CIMIP5: variants seen among roughly 807,000 people sequenced by gnomAD.
CIMIP5 encodes uncharacterized protein C2orf50.
chr2:11,133,826 CTCGT>C, the CIMIP5 span, among the ~76,000 whole-genome samples: 1 of 152,146 alleles, frequency 6.6e-6, no homozygotes, highest in South Asian at 2.1e-4. Flanking sequence ...GCAGCCCCAC[CTCGT>C]TCATTCCGAC....
At chr2:11,146,197 C>T in the CIMIP5 span, among the ~76,000 whole-genome samples, 1 of 152,132 alleles carries the variant, frequency 6.6e-6, no homozygotes, top group African/African-American at 2.4e-5. Context: ...CATGCATTAA[C>T]TCATTTAATC....
At chr2:11,133,432 G>T in the CIMIP5 span, 1 of 1,610,498 alleles carries the variant, frequency 6.2e-7, no homozygotes, top group East Asian at 2.2e-5. Flanking sequence ...CCAGCTGCCC[G>T]GGGTGGCCCT....
chr2:11,151,442 A>G, the CIMIP5 span, among the ~76,000 whole-genome samples: 2 of 152,184 alleles, frequency 1.3e-5, no homozygotes, highest in Non-Finnish European at 2.9e-5. Flanking sequence ...GCTCAATTCC[A>G]TGTTCCCACG....
the CIMIP5 span, among the ~76,000 whole-genome samples, chr2:11,154,252 T>A: frequency 2.6e-5 from 4 of 152,288 alleles, no homozygotes; most frequent in African/African-American, 7.2e-5. Context: ...ACGATCAGTA[T>A]CGATCTAGCC....
chr2:11,139,428 G>C, the CIMIP5 span, among the ~76,000 whole-genome samples: 1 of 152,168 alleles, frequency 6.6e-6, no homozygotes, highest in African/African-American at 2.4e-5. Flanking sequence ...ATGTTTTGTA[G>C]AATTGTTTGA....
the CIMIP5 span, among the ~76,000 whole-genome samples, chr2:11,139,174 T>C: frequency 3.9e-5 from 6 of 152,172 alleles, no homozygotes; most frequent in African/African-American, 1.4e-4. Context: ...CACCTTAGCT[T>C]CCCAAAGTGC....
At chr2:11,144,389 G>A in the CIMIP5 span, 1 of 250,100 alleles carries the variant, frequency 4.0e-6, no homozygotes, top group East Asian at 7.3e-5. Flanking sequence ...CTGCATTGTG[G>A]TCAGGAGCAC....
At chr2:11,137,436 A>G in the CIMIP5 span, among the ~76,000 whole-genome samples, 3 of 152,332 alleles carry the variant, frequency 2.0e-5, no homozygotes, top group African/African-American at 7.2e-5. Context: ...GAAATATAAG[A>G]CATAACTGAA....
the CIMIP5 span, chr2:11,143,993 A>G: frequency 6.2e-7 from 1 of 1,606,970 alleles, no homozygotes; most frequent in African/African-American, 1.3e-5. Flanking sequence ...AGTTCCACGA[A>G]CCAGGTTGTG....
At chr2:11,144,286 C>T in the CIMIP5 span, 1 of 458,632 alleles carries the variant, frequency 2.2e-6, no homozygotes, top group Non-Finnish European at 3.8e-6. Flanking sequence ...ACTTTTTACA[C>T]GTAAGATTCA....
the CIMIP5 span, among the ~76,000 whole-genome samples, chr2:11,136,768 A>G: frequency 6.6e-6 from 1 of 152,238 alleles, no homozygotes; most frequent in Non-Finnish European, 1.5e-5. Context: ...TGTGAATTCT[A>G]TCTCAATTTT....
At chr2:11,149,238 G>A in the CIMIP5 span, among the ~76,000 whole-genome samples, 1 of 150,692 alleles carries the variant, frequency 6.6e-6, no homozygotes, top group African/African-American at 2.5e-5. Context: ...CCAATAACAG[G>A]ACAGCTGACA....
chr2:11,147,688 G>T, the CIMIP5 span, among the ~76,000 whole-genome samples: 210 of 152,314 alleles, frequency 1.4e-3, no homozygotes, highest in African/African-American at 4.8e-3. Flanking sequence ...CACACTGATG[G>T]CTTCTGCATG....
At chr2:11,148,025 T>C in the CIMIP5 span, among the ~76,000 whole-genome samples, 1 of 152,062 alleles carries the variant, frequency 6.6e-6, no homozygotes, top group Non-Finnish European at 1.5e-5. Context: ...AGATGGGCAC[T>C]TGGAGACCAA....
At chr2:11,139,778 T>C in the CIMIP5 span, among the ~76,000 whole-genome samples, 1 of 152,354 alleles carries the variant, frequency 6.6e-6, no homozygotes, top group Middle Eastern at 3.4e-3. Flanking sequence ...ACTTGGCATT[T>C]GTTTCACTTA....
the CIMIP5 span, among the ~76,000 whole-genome samples, chr2:11,139,049 C>G: frequency 6.6e-6 from 1 of 152,118 alleles, no homozygotes; most frequent in African/African-American, 2.4e-5. Context: ...TCCCTAGTAG[C>G]TGGTATTACA....
chr2:11,136,617 A>G, the CIMIP5 span, among the ~76,000 whole-genome samples: 1 of 152,130 alleles, frequency 6.6e-6, no homozygotes, highest in Non-Finnish European at 1.5e-5. Context: ...GTTTTGGAGG[A>G]TGAGGACTGA....
At chr2:11,143,065 C>T in the CIMIP5 span, among the ~76,000 whole-genome samples, 2,424 of 152,184 alleles carry the variant, frequency 0.016, 60 homozygotes, top group African/African-American at 0.054. Context: ...CCCAAACGCA[C>T]GTTCACATAT....
the CIMIP5 span, chr2:11,146,836 A>G: frequency 0.17 from 25,178 of 152,292 alleles, 6,038 homozygotes; most frequent in African/African-American, 0.53. Context: ...GCTCGTCCTT[A>G]GGCTGGGTGG....
Sources: allele counts gnomAD v4.1 joint callset (sites outside exome capture counted in the v4.1 genomes callset), GRCh38; gene constraint gnomAD v4.1.1; transcripts MANE v1.5; gene names NCBI Gene and HGNC (gene_info 2026-07-23, HGNC 2026-07-21).